Variants in POC1B observed in about 807,000 individuals in gnomAD.
POC1B encodes the protein POC1 centriolar protein homolog B.
Under a neutral mutation model 60.6 loss-of-function variants are expected in POC1B, and 44 were observed. The observed-to-expected ratio is 0.73, with a 90% CI of 0.57 to 0.93. POC1B has a LOEUF of 0.93. POC1B is among the 40% of genes least tolerant of loss of function. POC1B has a pLI of 0.00. For synonymous variants in POC1B, 180 were observed against 198.9 expected, an observed-to-expected ratio of 0.90 and a Z score of 0.80; for missense variants, 555 against 572.3, an observed-to-expected ratio of 0.97 and a Z score of 0.31.
rs373371912 is a variant in POC1B, at chr12:89,500,038, T to C, written c.101-2696A>G. On this transcript the variant is annotated intron_variant, in intron 2 of 11. Transcript: ENST00000313546. ...TTTCTTGCTCGGCCTCCTGGAGCTG[T>C]GGTCTGTGTGGGCTTCCACCTCAGA... 2.7e-5 allele frequency: 30 copies of C among 1,127,158 alleles called. No homozygotes were observed. The East Asian group carries it at 6.4e-4, about 24-fold the overall frequency. The allele number at this position is 1,127,158 out of a possible 1,614,324, so 69.8% of individuals were successfully genotyped here.
intron 2 of POC1B, among the ~76,000 whole-genome samples, chr12:89,504,454 G>A (rs1385967398): frequency 6.6e-6 from 1 of 152,108 alleles, no homozygotes; most frequent in Non-Finnish European, 1.5e-5. Flanking sequence ...AGTACCCAGG[G>A]ACACAAACAC....
chr12:89,470,708 G>A (rs544087981), intron 6 of POC1B, among the ~76,000 whole-genome samples: 1 of 152,244 alleles, frequency 6.6e-6, no homozygotes, highest in East Asian at 1.9e-4. Flanking sequence ...ACTGTGTCAC[G>A]GAAAGGTAAT....
intron 4 of POC1B, among the ~76,000 whole-genome samples, chr12:89,475,048 C>T (rs1883051816): frequency 6.6e-6 from 1 of 152,042 alleles, no homozygotes; most frequent in Admixed American, 6.6e-5. Context: ...TGGCAAGATC[C>T]CTGCCCTTAT....
intron 2 of POC1B, chr12:89,523,688 A>C (rs375918484): frequency 6.5e-7 from 1 of 1,542,116 alleles, no homozygotes. Context: ...TTGGGGACAG[A>C]ATGCCACTGA....
chr12:89,495,464 T>C (rs571402559), intron 3 of POC1B, among the ~76,000 whole-genome samples: 3 of 152,310 alleles, frequency 2.0e-5, no homozygotes, highest in African/African-American at 7.2e-5. Flanking sequence ...GAGTTCCCCT[T>C]GGGTGGTGGC....
intron 10 of POC1B, among the ~76,000 whole-genome samples, chr12:89,433,573 G>A (rs1881129179): frequency 6.6e-6 from 1 of 152,200 alleles, no homozygotes; most frequent in South Asian, 2.1e-4. Flanking sequence ...ACCACAGAAT[G>A]TAAGTTGGGT....
chr12:89,501,991 A>T (rs1869594228), intron 2 of POC1B: 2 of 972,496 alleles, frequency 2.1e-6, no homozygotes, highest in East Asian at 4.8e-5. Context: ...TAAGAGGAAA[A>T]ATCTGGATTG....
intron 10 of POC1B, among the ~76,000 whole-genome samples, chr12:89,457,380 A>G (rs984404508): frequency 5.3e-5 from 8 of 152,238 alleles, no homozygotes; most frequent in Non-Finnish European, 1.0e-4. Flanking sequence ...GAACTAAAAG[A>G]AAGAGATACA....
intron 4 of POC1B, among the ~76,000 whole-genome samples, chr12:89,485,021 C>T (rs1480248275): frequency 6.6e-6 from 1 of 152,202 alleles, no homozygotes; most frequent in African/African-American, 2.4e-5. Context: ...AAGAAGAAGG[C>T]CCTGACTAAG....
rs1226547875 is a variant in POC1B, at chr12:89,466,763, T to A, written c.1032+7A>T. 1 of 1,601,962 alleles carries A rather than the reference T, an allele frequency of 6.2e-7. No individual in the cohort carries two copies. Among genetic ancestry groups the A allele is most frequent in the South Asian group, 1.1e-5 (1 of 88,840 alleles). On this transcript the variant is annotated splice_region_variant and intron_variant, in intron 9 of 11. Transcript: ENST00000313546. Reference sequence around the variant, plus strand: ...AAATGTAGGACAAATATGAACAAAATACTCACTTCTACAGTCTCAACTTTT... The same window carrying A: ...AAATGTAGGACAAATATGAACAAAAAACTCACTTCTACAGTCTCAACTTTT...
downstream of POC1B, among the ~76,000 whole-genome samples, chr12:89,419,003 A>G (rs1228597875): frequency 6.6e-6 from 1 of 152,110 alleles, no homozygotes; most frequent in East Asian, 1.9e-4. Flanking sequence ...GGTGTTTTCT[A>G]CATTCTGACA....
intron 11 of POC1B, among the ~76,000 whole-genome samples, chr12:89,422,479 G>A (rs1565890478): frequency 6.6e-6 from 1 of 152,166 alleles, no homozygotes; most frequent in Non-Finnish European, 1.5e-5. Context: ...GTGCAGCTCA[G>A]CCTGTTCTTC....
intron 2 of POC1B, chr12:89,501,049 C>A: frequency 1.9e-6 from 2 of 1,073,010 alleles, no homozygotes; most frequent in Non-Finnish European, 1.4e-6. Flanking sequence ...GCCAGTAGAT[C>A]TTGGGATTAC....
At chr12:89,451,415 T>C (rs1448565853) in intron 10 of POC1B, among the ~76,000 whole-genome samples, 2 of 152,140 alleles carry the variant, frequency 1.3e-5, no homozygotes, top group African/African-American at 4.8e-5. Flanking sequence ...AAAATCAAAT[T>C]ACACTAAAAA....
intron 1 of POC1B, chr12:89,525,416 C>G: frequency 7.2e-7 from 1 of 1,384,950 alleles, no homozygotes; most frequent in Non-Finnish European, 9.3e-7. Flanking sequence ...CCCCGCAGAG[C>G]CCGCAAAACG....
chr12:89,478,347 G>A (rs1883198674), intron 4 of POC1B, among the ~76,000 whole-genome samples: 1 of 152,140 alleles, frequency 6.6e-6, no homozygotes, highest in South Asian at 2.1e-4. Flanking sequence ...TTGAACTCCT[G>A]GCCTCAAGTG....
intron 10 of POC1B, among the ~76,000 whole-genome samples, chr12:89,440,458 G>A (rs1472394505): frequency 6.6e-6 from 1 of 152,228 alleles, no homozygotes; most frequent in Non-Finnish European, 1.5e-5. Flanking sequence ...TTGGTGTGAG[G>A]AATGGCTGGG....
chr12:89,468,684 T>C (rs1763949072), intron 7 of POC1B, among the ~76,000 whole-genome samples: 1 of 152,034 alleles, frequency 6.6e-6, no homozygotes, highest in African/African-American at 2.4e-5. Flanking sequence ...GTTATGTTTA[T>C]TCAGCCTAAA....
chr12:89,407,231 G>C, the POC1B span, among the ~76,000 whole-genome samples: 1 of 151,482 alleles, frequency 6.6e-6, no homozygotes, highest in African/African-American at 2.4e-5. Context: ...TTTTTTGGGG[G>C]GTGTGTGTCG....
Sources: allele counts gnomAD v4.1 joint callset (sites outside exome capture counted in the v4.1 genomes callset), GRCh38; gene constraint gnomAD v4.1.1; transcripts MANE v1.5; gene names NCBI Gene and HGNC (gene_info 2026-07-23, HGNC 2026-07-21).